Variants in THSD7B observed in about 807,000 individuals in gnomAD.
THSD7B encodes thrombospondin type 1 domain containing 7B.
A neutral mutation model predicts 213.6 loss-of-function variants in THSD7B; 138 were observed. That is an observed-to-expected ratio of 0.65 (90% CI 0.56 to 0.74). The LOEUF (loss-of-function observed/expected upper bound fraction) is 0.74, where lower values mean the gene tolerates loss of function less well. THSD7B is among the 30% of genes least tolerant of loss of function. THSD7B has a pLI of 0.00. For synonymous variants in THSD7B, 742 were observed against 687.0 expected, an observed-to-expected ratio of 1.08 and a Z score of -1.25; for missense variants, 1,931 against 1,991.5, an observed-to-expected ratio of 0.97 and a Z score of 0.58.
intron 15 of THSD7B, among the ~76,000 whole-genome samples, chr2:137,517,783 A>G (rs897194181): frequency 6.6e-6 from 1 of 152,118 alleles, no homozygotes; most frequent in African/African-American, 2.4e-5. Flanking sequence ...GCAGGCCCCC[A>G]TTGGTGAATC....
intron 2 of THSD7B, among the ~76,000 whole-genome samples, chr2:137,024,764 A>T (rs1241053014): frequency 6.6e-6 from 1 of 152,094 alleles, no homozygotes; most frequent in African/African-American, 2.4e-5. Context: ...TCTTCATCTC[A>T]TCAAATAATA....
In THSD7B at chr2:137,637,872, T is replaced by C. The variant is rs1682862127; in HGVS notation, c.3800-4616T>C. Among the ~76,000 whole-genome samples, 3 of 152,182 alleles carry C rather than the reference T, an allele frequency of 2.0e-5. No homozygotes were observed. In the South Asian group the frequency reaches 6.2e-4, roughly 32 times the overall value. ...ACCACATTGTCATTATCCTTACAAATATGGATGGAACAGCCTGCAATTATA... is the reference window on the plus strand; with the variant it reads ...ACCACATTGTCATTATCCTTACAAACATGGATGGAACAGCCTGCAATTATA... On this transcript the variant is annotated intron_variant, in intron 20 of 27. Transcript: ENST00000409968.
chr2:136,823,182 A>T (rs1682593565), intron 1 of THSD7B, among the ~76,000 whole-genome samples: 1 of 152,214 alleles, frequency 6.6e-6, no homozygotes, highest in South Asian at 2.1e-4. Flanking sequence ...GTGATTTCTC[A>T]AAGATAAAGG....
intron 15 of THSD7B, among the ~76,000 whole-genome samples, chr2:137,501,509 T>C (rs1020392320): frequency 3.9e-5 from 6 of 152,198 alleles, no homozygotes; most frequent in Non-Finnish European, 7.4e-5. Context: ...GGTTTTATAC[T>C]ATGACATATT....
At chr2:137,554,780 A>C (rs1304347784) in intron 15 of THSD7B, among the ~76,000 whole-genome samples, 1 of 152,214 alleles carries the variant, frequency 6.6e-6, no homozygotes, top group East Asian at 1.9e-4. Flanking sequence ...ACAAGGGGTC[A>C]GGGAATTCCC....
At chr2:137,434,367 T>C (rs1347630669) in intron 14 of THSD7B, among the ~76,000 whole-genome samples, 1 of 152,234 alleles carries the variant, frequency 6.6e-6, no homozygotes, top group Non-Finnish European at 1.5e-5. Context: ...CTGATGCCCA[T>C]TTCTTCTTTC....
chr2:136,790,838 T>G (rs1305759691), intron 1 of THSD7B, among the ~76,000 whole-genome samples: 2 of 151,934 alleles, frequency 1.3e-5, no homozygotes, highest in Non-Finnish European at 2.9e-5. Context: ...AACACCCAAG[T>G]GTAGCAGAGG....
intron 7 of THSD7B, among the ~76,000 whole-genome samples, chr2:137,186,285 C>T (rs573997235): frequency 6.6e-6 from 1 of 152,054 alleles, no homozygotes; most frequent in African/African-American, 2.4e-5. Flanking sequence ...TTTTAAGGAC[C>T]TAGCCATAAA....
chr2:137,473,375 A>T lies in THSD7B; in HGVS notation c.3138+22352A>T, dbSNP rs568540093. Reference sequence around the variant, plus strand: ...AGGCACCCGCCACCACACCTGGCTAATTTTTTGTATTTTTAGTAGAGACAG... The same window carrying T: ...AGGCACCCGCCACCACACCTGGCTATTTTTTTGTATTTTTAGTAGAGACAG... On this transcript the variant is annotated intron_variant, in intron 15 of 27. Coordinates refer to ENST00000409968, the MANE Select transcript of THSD7B (RefSeq NM_001316349.2). Among the ~76,000 whole-genome samples the T allele has an allele frequency of 4.0e-5, 6 of 151,894 alleles. No homozygotes were observed. In the South Asian group the frequency reaches 1.3e-3, roughly 32 times the overall value.
chr2:136,789,033 G>A (rs187923902), intron 1 of THSD7B, among the ~76,000 whole-genome samples: 17 of 152,148 alleles, frequency 1.1e-4, no homozygotes, highest in Admixed American at 6.5e-4. Context: ...TAGGAGGTAC[G>A]TGTTTATTAA....
chr2:136,828,600 C>A (rs1289922362), intron 1 of THSD7B, among the ~76,000 whole-genome samples: 1 of 152,214 alleles, frequency 6.6e-6, no homozygotes, highest in Non-Finnish European at 1.5e-5. Context: ...TTGCTTTCCT[C>A]TTAAGCATCA....
chr2:137,159,793 C>A (rs1346608147), intron 5 of THSD7B, among the ~76,000 whole-genome samples: 1 of 152,142 alleles, frequency 6.6e-6, no homozygotes, highest in East Asian at 1.9e-4. Flanking sequence ...ATTGGTTATG[C>A]TAAACACTCC....
At chr2:137,422,888 A>G (rs915606914) in intron 14 of THSD7B, among the ~76,000 whole-genome samples, 4 of 152,146 alleles carry the variant, frequency 2.6e-5, no homozygotes, top group Non-Finnish European at 5.9e-5. Context: ...GAGAGAAGAC[A>G]TGTCTAGGGC....
chr2:137,170,965 G>C, intron 7 of THSD7B, 27 bp downstream of exon 7: 1 of 1,608,738 alleles, frequency 6.2e-7, no homozygotes, highest in Non-Finnish European at 8.5e-7. Context: ...CACTAGAGGT[G>C]TTAGGATGTT....
At chr2:137,517,231 T>C (rs1680087575) in intron 15 of THSD7B, among the ~76,000 whole-genome samples, 1 of 152,254 alleles carries the variant, frequency 6.6e-6, no homozygotes, top group African/African-American at 2.4e-5. Context: ...CTTTGTGTCA[T>C]GATCTTGTTT....
chr2:137,074,652 C>T (rs886314110), intron 3 of THSD7B, among the ~76,000 whole-genome samples: 27 of 152,114 alleles, frequency 1.8e-4, no homozygotes, highest in Admixed American at 6.5e-4. Context: ...TTATTTTGCT[C>T]GTTGGTTGAT....
At chr2:136,788,070 T>C (rs941902938) in intron 1 of THSD7B, among the ~76,000 whole-genome samples, 3 of 152,210 alleles carry the variant, frequency 2.0e-5, no homozygotes, top group African/African-American at 4.8e-5. Flanking sequence ...AGGATCGTGT[T>C]GAAGCCAACT....
At chr2:137,263,800 A>T (rs1444115152) in intron 10 of THSD7B, among the ~76,000 whole-genome samples, 1 of 152,180 alleles carries the variant, frequency 6.6e-6, no homozygotes, top group East Asian at 1.9e-4. Context: ...GAACACCAAG[A>T]TGGATAGGAA....
intron 8 of THSD7B, among the ~76,000 whole-genome samples, chr2:137,231,980 C>T (rs191252942): frequency 1.6e-4 from 24 of 152,146 alleles, no homozygotes; most frequent in Admixed American, 1.0e-3. Flanking sequence ...TTTGATCCTG[C>T]GAAATGGGGC....
Sources: allele counts gnomAD v4.1 joint callset (sites outside exome capture counted in the v4.1 genomes callset), GRCh38; gene constraint gnomAD v4.1.1; transcripts MANE v1.5; gene names NCBI Gene and HGNC (gene_info 2026-07-23, HGNC 2026-07-21).